Variants in SPART observed in about 807,000 individuals in gnomAD.
The protein encoded by SPART is spartin, also known as spastic paraplegia 20 (Troyer syndrome).
In SPART, 35 loss-of-function variants were observed where a neutral mutation model predicts 58.7. The ratio of observed to expected loss-of-function variants is 0.60; its 90% CI spans 0.46 to 0.79. The LOEUF (loss-of-function observed/expected upper bound fraction) is 0.79. Among genes scored for constraint, SPART ranks in the 30% least tolerant of loss-of-function variants. SPART has a pLI of 0.00. For missense variants in SPART, 730 were observed against 786.1 expected (o/e 0.93, Z 0.85); for synonymous variants, 284 against 280.7 (o/e 1.01, Z -0.12).
intron 1 of SPART, among the ~76,000 whole-genome samples, chr13:36,363,019 T>TA (rs78022293): frequency 4.0e-5 from 6 of 151,388 alleles, no homozygotes; most frequent in East Asian, 2.0e-4. Flanking sequence ...ATATTTTTTT[T>TA]AAAAAAAAGA....
rs370102453 is a variant in SPART, at chr13:36,312,181, T to C, written c.1697A>G (p.Asn566Ser). ...AGTTTGTACAGTTTCTGCTGAAACA[T>C]TGTTAACGATGCATTTAGCTGCACA... ...LECAAKCIVNNVSAETVQTVR... is the reference protein window; with the variant it reads ...LECAAKCIVNSVSAETVQTVR... Residue 566 changes from asparagine to serine, a missense_variant, in exon 8 of 9, where the codon AAT (asparagine) becomes AGT (serine). By Grantham distance (46) the Asn-to-Ser change is conservative. Coordinates refer to ENST00000438666, the MANE Select transcript of SPART (RefSeq NM_015087.5). The C allele has an allele frequency of 1.4e-5, 22 of 1,614,042 alleles. No homozygotes were observed. In the Middle Eastern group the frequency reaches 4.9e-4, roughly 36 times the overall value.
At chr13:36,363,099 G>A (rs985867457) in intron 1 of SPART, among the ~76,000 whole-genome samples, 16 of 152,134 alleles carry the variant, frequency 1.1e-4, no homozygotes, top group African/African-American at 2.9e-4. Flanking sequence ...CAAGGGACTG[G>A]TCCACAGACC....
At chr13:36,310,319 T>C (rs1257168675) in intron 8 of SPART, among the ~76,000 whole-genome samples, 2 of 152,108 alleles carry the variant, frequency 1.3e-5, no homozygotes, top group Non-Finnish European at 2.9e-5. Flanking sequence ...TCCAAACTAA[T>C]TCAAGGCTAA....
chr13:36,360,489 G>A (rs1885811361), intron 1 of SPART, among the ~76,000 whole-genome samples: 1 of 151,950 alleles, frequency 6.6e-6, no homozygotes. Context: ...ATTTCATACT[G>A]AGATGGGGAA....
intron 1 of SPART, among the ~76,000 whole-genome samples, chr13:36,354,384 C>G (rs1004632625): frequency 2.6e-5 from 4 of 151,862 alleles, no homozygotes; most frequent in Non-Finnish European, 4.4e-5. Context: ...GAGGAATATT[C>G]TGTTCTGATA....
chr13:36,317,315 AC>A (rs1881812722), intron 5 of SPART, among the ~76,000 whole-genome samples: 1 of 151,050 alleles, frequency 6.6e-6, no homozygotes, highest in South Asian at 2.1e-4. Context: ...AGGGGCAAGT[AC>A]CCCTCAACCC....
At chr13:36,326,767 T>A in intron 4 of SPART, 69 bp from the exon 5 acceptor site, 1 of 1,547,634 alleles carries the variant, frequency 6.5e-7, no homozygotes, top group Non-Finnish European at 8.9e-7. Context: ...AAGCATTATA[T>A]AACAAATATG....
intron 1 of SPART, among the ~76,000 whole-genome samples, chr13:36,342,735 C>T (rs9602830): frequency 6.6e-6 from 1 of 152,102 alleles, no homozygotes; most frequent in Middle Eastern, 3.4e-3. Context: ...GGGATGTGTG[C>T]CCCCCAGGAC....
intron 1 of SPART, among the ~76,000 whole-genome samples, chr13:36,341,663 G>A (rs935081732): frequency 1.3e-5 from 2 of 152,178 alleles, no homozygotes; most frequent in African/African-American, 2.4e-5. Flanking sequence ...AAGCACAGAA[G>A]CATCACAGAA....
intron 1 of SPART, among the ~76,000 whole-genome samples, chr13:36,352,831 A>G (rs1885472178): frequency 6.6e-6 from 1 of 151,822 alleles, no homozygotes; most frequent in South Asian, 2.1e-4. Context: ...ATGGTGGCAC[A>G]CACCTGTAGC....
intron 1 of SPART, among the ~76,000 whole-genome samples, chr13:36,358,623 A>G (rs1022957758): frequency 6.6e-6 from 1 of 152,202 alleles, no homozygotes; most frequent in African/African-American, 2.4e-5. Context: ...TTTAATTTAT[A>G]TGTAGAGAAG....
At chr13:36,323,593 T>C (rs1291831367) in intron 5 of SPART, among the ~76,000 whole-genome samples, 1 of 152,228 alleles carries the variant, frequency 6.6e-6, no homozygotes, top group Non-Finnish European at 1.5e-5. Flanking sequence ...TGGTTACTCA[T>C]TTTGTACATA....
chr13:36,351,034 A>T (rs888136283), upstream of SPART, among the ~76,000 whole-genome samples: 1 of 152,174 alleles, frequency 6.6e-6, no homozygotes, highest in East Asian at 1.9e-4. Flanking sequence ...GAATCCAAGA[A>T]CCCGAGTTTG....
chr13:36,356,785 CTT>C (rs1885637701), intron 1 of SPART, among the ~76,000 whole-genome samples: 1 of 152,216 alleles, frequency 6.6e-6, no homozygotes. Context: ...GAATAAATCT[CTT>C]CAAATATCTT....
chr13:36,305,449 A>T (rs557800000), intron 8 of SPART, among the ~76,000 whole-genome samples: 1 of 152,208 alleles, frequency 6.6e-6, no homozygotes, highest in South Asian at 2.1e-4. Context: ...ACCCTATTGG[A>T]GAGGAGAATC....
Position 36,312,439 on chromosome 13 carries a change from C to G in SPART, c.1522G>C (p.Glu508Gln). Reference protein sequence around the residue: ...VCTVANCVGKELAPHVKKHGS... With the variant: ...VCTVANCVGKQLAPHVKKHGS... ...TGCTTCTTGACATGTGGAGCTAGTT[C>G]TTTTCCAACGCAATTTGCTACAGTG... The change falls in exon 7 of 9, where the codon GAA becomes CAA. Residue 508 changes from glutamate (E) to glutamine (Q), a missense_variant. Coordinates refer to ENST00000438666, the MANE Select transcript of SPART (RefSeq NM_015087.5). 6.2e-7 allele frequency: 1 copy of G among 1,614,020 alleles called. No individual in the cohort carries two copies. The highest frequency in any genetic ancestry group is 1.7e-5 in the Admixed American group (1 of 60,008).
At chr13:36,356,262 C>T (rs556337605) in intron 1 of SPART, among the ~76,000 whole-genome samples, 3 of 152,274 alleles carry the variant, frequency 2.0e-5, no homozygotes, top group African/African-American at 4.8e-5. Context: ...GCTGGCTGGT[C>T]GAGGCCGTGC....
chr13:36,338,536 A>C (rs1304163798), intron 1 of SPART, among the ~76,000 whole-genome samples: 1 of 152,196 alleles, frequency 6.6e-6, no homozygotes, highest in African/African-American at 2.4e-5. Context: ...GCCTATTTAC[A>C]AATTAGCACC....
intron 1 of SPART, chr13:36,336,431 G>GA (rs1293247921): frequency 3.9e-5 from 6 of 152,342 alleles, no homozygotes; most frequent in Non-Finnish European, 8.8e-5. Context: ...CTTCACAGAA[G>GA]AAAATCTTTA....
Sources: gnomAD v4.1 joint callset for allele counts (sites outside exome capture counted in the v4.1 genomes callset) on GRCh38, gnomAD v4.1.1 for gene constraint, MANE v1.5 for transcripts, NCBI Gene and HGNC (gene_info 2026-07-23, HGNC 2026-07-21) for gene names.